Variants in FRS2 observed in about 807,000 individuals in gnomAD.
FRS2 encodes the protein fibroblast growth factor receptor substrate 2, also known as FGFR signalling adaptor.
In FRS2, 8 loss-of-function variants were observed where a neutral mutation model predicts 43.9. The observed-to-expected ratio is 0.18, with a 90% CI of 0.11 to 0.33. The LOEUF (loss-of-function observed/expected upper bound fraction) is 0.33, where lower values mean the gene tolerates loss of function less well. FRS2 is among the 10% of genes least tolerant of loss of function. The pLI is 1.00. For synonymous variants in FRS2, 219 were observed against 220.3 expected (o/e 0.99, Z 0.05); for missense variants, 534 against 627.6 (o/e 0.85, Z 1.59).
At chr12:69,511,053 A>G (rs1431876116) in intron 1 of FRS2, among the ~76,000 whole-genome samples, 2 of 152,186 alleles carry the variant, frequency 1.3e-5, no homozygotes, top group Non-Finnish European at 2.9e-5. Flanking sequence ...ACTATAAGGT[A>G]TCCAACTCTT....
chr12:69,505,775 A>G (rs529334436), intron 1 of FRS2, among the ~76,000 whole-genome samples: 67 of 152,304 alleles, frequency 4.4e-4, no homozygotes, highest in Admixed American at 2.7e-3. Context: ...TGCGTGGAAA[A>G]ATGTCATAAA....
chr12:69,517,823 C>A (rs1408254420), intron 1 of FRS2, among the ~76,000 whole-genome samples: 1 of 152,048 alleles, frequency 6.6e-6, no homozygotes, highest in African/African-American at 2.4e-5. Flanking sequence ...AACTTGAGTT[C>A]TTTCCTTGCT....
intron 3 of FRS2, among the ~76,000 whole-genome samples, chr12:69,548,236 A>G (rs1290750484): frequency 6.6e-6 from 1 of 152,188 alleles, no homozygotes; most frequent in African/African-American, 2.4e-5. Context: ...GCAAAGACCA[A>G]TTAGAAGGCT....
At chr12:69,482,444 C>A (rs1188638624) in intron 1 of FRS2, among the ~76,000 whole-genome samples, 2 of 152,180 alleles carry the variant, frequency 1.3e-5, no homozygotes, top group African/African-American at 4.8e-5. Context: ...CTCTACCTCC[C>A]ATTCCCAGTT....
At chr12:69,523,351 G>T (rs989632161) in intron 1 of FRS2, among the ~76,000 whole-genome samples, 3 of 152,052 alleles carry the variant, frequency 2.0e-5, no homozygotes, top group African/African-American at 7.2e-5. Context: ...TGTCTTTTTT[G>T]ATCTTTGTTG....
At chr12:69,521,857 AC>A (rs1377704187) in intron 1 of FRS2, among the ~76,000 whole-genome samples, 1 of 152,024 alleles carries the variant, frequency 6.6e-6, no homozygotes. Flanking sequence ...CTCGTGATCC[AC>A]CTGCCTCGGC....
At chr12:69,495,504 C>A (rs1376463552) in intron 1 of FRS2, among the ~76,000 whole-genome samples, 14 of 152,144 alleles carry the variant, frequency 9.2e-5, no homozygotes. Context: ...GATACATGCA[C>A]TAATACCTTT....
chr12:69,546,770 T>G (rs1380052173), intron 3 of FRS2, among the ~76,000 whole-genome samples: 1 of 152,176 alleles, frequency 6.6e-6, no homozygotes, highest in Non-Finnish European at 1.5e-5. Flanking sequence ...CCTTATGCAC[T>G]GTCGGTGAGA....
intron 1 of FRS2, among the ~76,000 whole-genome samples, chr12:69,470,784 G>T (rs221072): frequency 0.093 from 14,152 of 152,130 alleles, 867 homozygotes; most frequent in Non-Finnish European, 0.14. Context: ...CTCGAGAGTG[G>T]GGATGGGCTG....
At chr12:69,500,910 T>C (rs1873378815) in intron 1 of FRS2, among the ~76,000 whole-genome samples, 1 of 152,192 alleles carries the variant, frequency 6.6e-6, no homozygotes, top group Non-Finnish European at 1.5e-5. Context: ...GTTTTTGTTA[T>C]CCTTAAAATG....
chr12:69,548,363 G>A (rs188167588), intron 3 of FRS2, among the ~76,000 whole-genome samples: 4 of 152,292 alleles, frequency 2.6e-5, no homozygotes, highest in Admixed American at 2.6e-4. Flanking sequence ...AAGGATTGAT[G>A]GATTGGATAT....
chr12:69,576,817 A>G lies in FRS2; in HGVS notation c.*1862A>G, dbSNP rs1360022835. The G allele has an allele frequency of 6.6e-6, 1 of 152,560 alleles. No individual in the cohort carries two copies. Among genetic ancestry groups the G allele is most frequent in the Non-Finnish European group, 1.5e-5 (1 of 68,028 alleles). 9.5% of individuals were successfully genotyped at this position (152,560 alleles called of 1,614,324 possible). ...TTTTCTCCCTTTTGTTCCCCTGTGAACTTGGTGCTTATTAAAGTGCTCACT... is the reference window on the plus strand; with the variant it reads ...TTTTCTCCCTTTTGTTCCCCTGTGAGCTTGGTGCTTATTAAAGTGCTCACT... On this transcript the variant is annotated 3_prime_UTR_variant, in exon 9 of 9. Coordinates refer to ENST00000549921, the MANE Select transcript of FRS2 (RefSeq NM_001278356.2).
intron 3 of FRS2, among the ~76,000 whole-genome samples, chr12:69,543,264 A>G (rs2135711244): frequency 6.6e-6 from 1 of 152,358 alleles, no homozygotes; most frequent in East Asian, 1.9e-4. Context: ...AAAAATGTAA[A>G]AGCATTTGGT....
intron 3 of FRS2, among the ~76,000 whole-genome samples, chr12:69,557,630 GCGCGCGCAGGTGCATGCA>G (rs1161334956): frequency 6.8e-6 from 1 of 147,166 alleles, no homozygotes; most frequent in Middle Eastern, 3.5e-3. Flanking sequence ...GCGCGCGCGC[GCGCGCGCAGGTGCATGCA>G]CGCTAGGATT....
At chr12:69,481,157 AT>A (rs1267657953) in intron 1 of FRS2, among the ~76,000 whole-genome samples, 2 of 152,030 alleles carry the variant, frequency 1.3e-5, no homozygotes, top group East Asian at 3.8e-4. Context: ...GCATACACAC[AT>A]TTATTTTTTT....
chr12:69,544,241 G>A (rs886526694), intron 3 of FRS2, among the ~76,000 whole-genome samples: 10 of 152,032 alleles, frequency 6.6e-5, no homozygotes, highest in East Asian at 1.9e-4. Context: ...CTATGATCAA[G>A]TGCGTCTTAT....
intron 1 of FRS2, among the ~76,000 whole-genome samples, chr12:69,481,516 T>C (rs1474815715): frequency 6.6e-6 from 1 of 152,046 alleles, no homozygotes; most frequent in African/African-American, 2.4e-5. Context: ...TCTCAAACTC[T>C]TGGGCTCAAG....
chr12:69,491,334 G>T (rs1201149230), intron 1 of FRS2, among the ~76,000 whole-genome samples: 1 of 151,928 alleles, frequency 6.6e-6, no homozygotes, highest in African/African-American at 2.4e-5. Context: ...GAGCTCCAGC[G>T]ACCTGCCCAC....
At chr12:69,566,183 T>G (rs1199617086) in intron 4 of FRS2, among the ~76,000 whole-genome samples, 3 of 152,074 alleles carry the variant, frequency 2.0e-5, no homozygotes, top group Non-Finnish European at 4.4e-5. Context: ...GCACGAGAGG[T>G]TCTACCTTAA....
Sources: gnomAD v4.1 joint callset for allele counts (sites outside exome capture counted in the v4.1 genomes callset) on GRCh38, gnomAD v4.1.1 for gene constraint, MANE v1.5 for transcripts, NCBI Gene and HGNC (gene_info 2026-07-23, HGNC 2026-07-21) for gene names.